The following CAST variants were observed in gnomAD, a reference collection of about 807,000 sequenced individuals.
CAST encodes calpastatin, also known as MIR583 host.
Under a neutral mutation model 119.6 loss-of-function variants are expected in CAST, and 76 were observed. The observed-to-expected ratio is 0.64, with a 90% confidence interval of 0.53 to 0.77. The LOEUF (loss-of-function observed/expected upper bound fraction) is 0.77. CAST is among the 30% of genes least tolerant of loss of function. CAST has a pLI of 0.00. For missense variants in CAST, 953 were observed against 946.5 expected (o/e 1.01, Z -0.09); for synonymous variants, 319 against 331.6 (o/e 0.96, Z 0.41).
chr5:96,461,353 T>G, the CAST span, among the ~76,000 whole-genome samples: 1 of 152,170 alleles, frequency 6.6e-6, no homozygotes, highest in Non-Finnish European at 1.5e-5. Context: ...TGGACTTCTT[T>G]TTGGTTATCT....
chr5:96,680,354 C>CAAAAAAAAAAAAAAAAAAAAAAAAA (rs71617135), intron 2 of CAST, among the ~76,000 whole-genome samples: 2 of 29,272 alleles, frequency 6.8e-5, no homozygotes, highest in African/African-American at 1.5e-4. Context: ...GACTCTGTCT[C>CAAAAAAAAAAAAAAAAAAAAAAAAA]AAAAAAAAAA....
the CAST span, among the ~76,000 whole-genome samples, chr5:96,311,447 G>A: frequency 1.3e-5 from 2 of 152,006 alleles, no homozygotes. Context: ...ATTCTAAAGT[G>A]TTGTTCAAGT....
chr5:96,317,760 A>G, the CAST span, among the ~76,000 whole-genome samples: 1 of 152,146 alleles, frequency 6.6e-6, no homozygotes, highest in East Asian at 1.9e-4. Flanking sequence ...GGCTGAGTGA[A>G]TTCCTAGCTT....
At chr5:96,455,351 C>T in the CAST span, among the ~76,000 whole-genome samples, 1 of 152,196 alleles carries the variant, frequency 6.6e-6, no homozygotes, top group Non-Finnish European at 1.5e-5. Context: ...TAATTAGATG[C>T]TATCATAAAT....
At chr5:96,733,397 G>C (rs190224475) in intron 9 of CAST, among the ~76,000 whole-genome samples, 1 of 152,264 alleles carries the variant, frequency 6.6e-6, no homozygotes, top group Admixed American at 6.5e-5. Flanking sequence ...GATTAGGCCC[G>C]CTAAAATAGA....
chr5:96,608,070 C>G (rs1000262394), intron 1 of CAST, among the ~76,000 whole-genome samples: 2 of 152,142 alleles, frequency 1.3e-5, no homozygotes, highest in Non-Finnish European at 2.9e-5. Context: ...TCCTGTCTAT[C>G]TGAAATTGTG....
At chr5:96,354,921 G>C in the CAST span, among the ~76,000 whole-genome samples, 5,492 of 151,492 alleles carry the variant, frequency 0.036, 311 homozygotes, top group African/African-American at 0.13. Context: ...TTTTCAATAT[G>C]AGAGTATCTT....
chr5:96,240,472 G>A, the CAST span, among the ~76,000 whole-genome samples: 1 of 152,312 alleles, frequency 6.6e-6, no homozygotes, highest in South Asian at 2.1e-4. Context: ...TATACAGTCT[G>A]CAGCTGTGTC....
the CAST span, among the ~76,000 whole-genome samples, chr5:96,034,510 T>C: frequency 0.014 from 993 of 68,812 alleles, 14 homozygotes; most frequent in East Asian, 0.055. Context: ...CACACACATA[T>C]GTGTGTGTGT....
chr5:96,257,913 G>A, the CAST span, among the ~76,000 whole-genome samples: 1 of 152,184 alleles, frequency 6.6e-6, no homozygotes, highest in Non-Finnish European at 1.5e-5. Flanking sequence ...AAAACTCTGT[G>A]TGATAAATTT....
the CAST span, among the ~76,000 whole-genome samples, chr5:96,412,752 G>GTTTTTTTTTTTTTTTTTTTTTTT: frequency 2.1e-4 from 15 of 71,806 alleles, 4 homozygotes; most frequent in African/African-American, 1.3e-3. Flanking sequence ...CAGCTGTGAT[G>GTTTTTTTTTTTTTTTTTTTTTTT]TTTTTTTTTT....
the CAST span, among the ~76,000 whole-genome samples, chr5:96,515,645 G>T: frequency 6.6e-6 from 1 of 152,134 alleles, no homozygotes. Flanking sequence ...TTTAGGAAAT[G>T]ATGTTTCCCA....
chr5:96,463,240 A>C, the CAST span, among the ~76,000 whole-genome samples: 1 of 152,148 alleles, frequency 6.6e-6, no homozygotes, highest in Non-Finnish European at 1.5e-5. Flanking sequence ...TTTGAAACTC[A>C]GCTTCATTTC....
chr5:96,626,695 T>G (rs889460987), intron 1 of CAST, among the ~76,000 whole-genome samples: 4 of 152,190 alleles, frequency 2.6e-5, no homozygotes, highest in African/African-American at 9.7e-5. Context: ...CTTACCATGT[T>G]ACCATTTAAT....
At chr5:96,758,812 A>G (rs1186491656) in intron 24 of CAST, among the ~76,000 whole-genome samples, 1 of 152,144 alleles carries the variant, frequency 6.6e-6, no homozygotes, top group Non-Finnish European at 1.5e-5. Flanking sequence ...CATCACAGCA[A>G]AGCACTCCAG....
chr5:96,743,417 T>C, intron 16 of CAST: 1 of 500,494 alleles, frequency 2.0e-6, no homozygotes, highest in South Asian at 3.4e-5. Context: ...TGCCGGTTCC[T>C]GACAAGGCAG....
the CAST span, among the ~76,000 whole-genome samples, chr5:96,515,965 C>CAT: frequency 6.4e-5 from 4 of 62,698 alleles, no homozygotes; most frequent in Non-Finnish European, 1.1e-4. Context: ...TCTAGTGAGA[C>CAT]ATAGTCTATT....
the CAST span, among the ~76,000 whole-genome samples, chr5:96,323,622 G>T: frequency 2.1e-4 from 32 of 152,054 alleles, no homozygotes; most frequent in Admixed American, 3.3e-4. Context: ...TTTGATGCTT[G>T]TTGGTATCTA....
At chr5:96,715,517 A>C (rs764673626) in intron 3 of CAST, among the ~76,000 whole-genome samples, 1 of 152,216 alleles carries the variant, frequency 6.6e-6, no homozygotes, top group Non-Finnish European at 1.5e-5. Flanking sequence ...TAAGTTATTT[A>C]ACTTCTCTAA....
Sources: gnomAD v4.1 joint callset for allele counts (sites outside exome capture counted in the v4.1 genomes callset) on GRCh38, gnomAD v4.1.1 for gene constraint, MANE v1.5 for transcripts, NCBI Gene and HGNC (gene_info 2026-07-23, HGNC 2026-07-21) for gene names.